The following ROR2 variants were observed in gnomAD, a reference collection of about 807,000 sequenced individuals.
The protein encoded by ROR2 is ROR family WNT receptor 2.
In ROR2, 33 loss-of-function variants were observed where a neutral mutation model predicts 74.9. The observed-to-expected ratio is 0.44, with a 90% confidence interval of 0.33 to 0.59. The LOEUF (loss-of-function observed/expected upper bound fraction) is 0.59. Among genes scored for constraint, ROR2 ranks in the 20% least tolerant of loss-of-function variants. The pLI, the probability that ROR2 is intolerant of heterozygous loss-of-function variation, is 0.02. For missense variants in ROR2, 1,216 were observed against 1,313.8 expected, an observed-to-expected ratio of 0.93 and a Z score of 1.15; for synonymous variants, 586 against 558.7, an observed-to-expected ratio of 1.05 and a Z score of -0.69.
chr9:91,771,742 A>G (rs954819946), intron 2 of ROR2, among the ~76,000 whole-genome samples: 4 of 138,538 alleles, frequency 2.9e-5, no homozygotes. Flanking sequence ...CTCTCTCGAT[A>G]CCATCTACCA....
intron 1 of ROR2, among the ~76,000 whole-genome samples, chr9:91,939,013 G>A (rs1052916138): frequency 1.3e-5 from 2 of 152,154 alleles, no homozygotes; most frequent in East Asian, 1.9e-4. Context: ...CACTGTGGGA[G>A]GCCAAGGCGG....
chr9:91,791,016 AT>A (rs1414760864), intron 1 of ROR2, among the ~76,000 whole-genome samples: 1 of 152,240 alleles, frequency 6.6e-6, no homozygotes, highest in African/African-American at 2.4e-5. Flanking sequence ...TTAATTTATT[AT>A]TGAAGAAATA....
chr9:91,771,773 T>C (rs1826236743), intron 2 of ROR2, among the ~76,000 whole-genome samples: 1 of 152,012 alleles, frequency 6.6e-6, no homozygotes, highest in South Asian at 2.1e-4. Flanking sequence ...TCATGCCAAA[T>C]ACTGACCCAG....
Position 91,733,300 on chromosome 9 carries a change from G to A in ROR2, c.759C>T (p.Arg253=), listed in dbSNP as rs776501735. Residue 253 remains arginine (R), a synonymous_variant, in exon 6 of 9, where the codon CGC becomes CGT. Transcript: ENST00000375708. The surrounding 1 kb of genome is among the most constrained non-coding windows in gnomAD (Gnocchi z 5.7). The stretch of plus-strand genomic sequence containing the variant: ...CGCTCTCCAGCACCTCGCACTCGTC[G>A]CGGCACAGCTCACGCGGCTTGGGTG... ...SRTPKPRELC[R]DECEVLESDL... The A allele has an allele frequency of 5.0e-6, 8 of 1,612,780 alleles. No individual in the cohort carries two copies. Among genetic ancestry groups the A allele is most frequent in the East Asian group, 2.2e-5 (1 of 44,860 alleles).
At chr9:91,788,982 AAGG>A (rs1826886991) in intron 1 of ROR2, among the ~76,000 whole-genome samples, 1 of 152,074 alleles carries the variant, frequency 6.6e-6, no homozygotes, top group Admixed American at 6.5e-5. Flanking sequence ...TGGGTAGGGG[AAGG>A]AGAAGAAAGG....
chr9:91,751,838 G>T (rs1825604646), intron 4 of ROR2, among the ~76,000 whole-genome samples: 1 of 151,970 alleles, frequency 6.6e-6, no homozygotes. Context: ...AAATTATCAA[G>T]AATAAAACAT....
At chr9:91,800,113 G>A (rs1246596733) in intron 1 of ROR2, among the ~76,000 whole-genome samples, 2 of 152,198 alleles carry the variant, frequency 1.3e-5, no homozygotes, top group Admixed American at 1.3e-4. Flanking sequence ...AGGCTGAAGT[G>A]GGTGGATCAC....
Position 91,737,443 on chromosome 9 carries a change from G to T in ROR2, c.570C>A (p.Thr190=), listed in dbSNP as rs756072740. Residue 190 remains threonine, a synonymous_variant, in exon 5 of 9, where the codon ACC becomes ACA. Coordinates refer to ENST00000375708, the MANE Select transcript of ROR2 (RefSeq NM_004560.4). ...IACARFIGNR[T]IYVDSLQMQG... ...GCATCTGAAGCGAGTCCACATAAAT[G>T]GTCCGGTTGCCAATGAAGCGTGCAC... The T allele has an allele frequency of 1.2e-6, 2 of 1,614,138 alleles. No homozygotes were observed. Among genetic ancestry groups the T allele is most frequent in the East Asian group, 2.2e-5 (1 of 44,868 alleles).
intron 4 of ROR2, 200 bp downstream of exon 4, chr9:91,755,871 A>T (rs1053444748): frequency 1.6e-6 from 1 of 634,080 alleles, no homozygotes; most frequent in African/African-American, 1.8e-5. Context: ...TGTTTTTCTG[A>T]CTTTTTTTCT....
intron 6 of ROR2, among the ~76,000 whole-genome samples, chr9:91,731,887 C>T (rs1400386804): frequency 1.3e-5 from 2 of 152,152 alleles, no homozygotes; most frequent in African/African-American, 4.8e-5. Context: ...TGCACTCCAG[C>T]CTCAGTGACA....
At chr9:91,758,593 T>C (rs1431436532) in intron 2 of ROR2, among the ~76,000 whole-genome samples, 2 of 152,094 alleles carry the variant, frequency 1.3e-5, no homozygotes, top group Non-Finnish European at 2.9e-5. Flanking sequence ...GCACACACAC[T>C]AGGGGGCACA....
intron 1 of ROR2, among the ~76,000 whole-genome samples, chr9:91,933,265 G>C (rs1031728988): frequency 6.6e-6 from 1 of 152,016 alleles, no homozygotes; most frequent in Non-Finnish European, 1.5e-5. Flanking sequence ...GCAGTGAGCC[G>C]AGATTGCGCC....
At chr9:91,902,013 A>C (rs556745382) in intron 1 of ROR2, among the ~76,000 whole-genome samples, 27 of 152,232 alleles carry the variant, frequency 1.8e-4, no homozygotes, top group Non-Finnish European at 3.1e-4. Context: ...CCCTCAATTC[A>C]TTCAACCAGT....
At chr9:91,817,311 G>A (rs531175556) in intron 1 of ROR2, among the ~76,000 whole-genome samples, 45 of 152,356 alleles carry the variant, frequency 3.0e-4, no homozygotes, top group Non-Finnish European at 5.4e-4. Context: ...CCTCCACCAA[G>A]GAAGGCAGGA....
chr9:91,864,926 G>A (rs886951455), intron 1 of ROR2, among the ~76,000 whole-genome samples: 8 of 152,152 alleles, frequency 5.3e-5, no homozygotes, highest in Non-Finnish European at 1.2e-4. Flanking sequence ...AAGATAAAGT[G>A]CTGTCACATC....
chr9:91,948,845 T>TCCTCCACCCC (rs1832084698), intron 1 of ROR2: 2 of 984,852 alleles, frequency 2.0e-6, no homozygotes, highest in Admixed American at 6.2e-5. Flanking sequence ...CCGCCCGCCC[T>TCCTCCACCCC]CCTCCACCCC....
At position 91,905,453 on chromosome 9, in the gene ROR2, A is replaced by G. The variant is rs963981657; in HGVS notation, c.97+44414T>C. The stretch of plus-strand genomic sequence containing the variant: ...CAAAGATGACAACACAACCCAACAC[A>G]CAACACATACCACACACAACAAAGA... On this transcript the variant is annotated intron_variant, in intron 1 of 8. Coordinates refer to ENST00000375708, the MANE Select transcript of ROR2 (RefSeq NM_004560.4). The surrounding 1 kb of genome is among the most constrained non-coding windows in gnomAD (Gnocchi z 5.3). 3.9e-5 allele frequency among the ~76,000 whole-genome samples: 6 copies of G among 151,974 alleles called. No individual in the cohort carries two copies. The highest frequency in any genetic ancestry group is 3.9e-4 in the Admixed American group (6 of 15,244).
chr9:91,903,369 T>A (rs1000995505), intron 1 of ROR2, among the ~76,000 whole-genome samples: 29 of 152,148 alleles, frequency 1.9e-4, no homozygotes, highest in Non-Finnish European at 3.5e-4. Context: ...CTGCTCCAGT[T>A]CTTCCCATCG....
At chr9:91,899,850 C>T (rs1830628149) in intron 1 of ROR2, among the ~76,000 whole-genome samples, 1 of 151,944 alleles carries the variant, frequency 6.6e-6, no homozygotes, top group Admixed American at 6.6e-5. Flanking sequence ...TGGTCGCAAA[C>T]ACACACACAC....
Sources: gnomAD v4.1 joint callset for allele counts (sites outside exome capture counted in the v4.1 genomes callset) on GRCh38, gnomAD v4.1.1 for gene constraint, Gnocchi (gnomAD v3.1) non-coding constraint, MANE v1.5 for transcripts, NCBI Gene and HGNC (gene_info 2026-07-23, HGNC 2026-07-21) for gene names.